DOCK1: variants seen among roughly 807,000 people sequenced by gnomAD.
The protein encoded by DOCK1 is dedicator of cytokinesis 1.
A neutral mutation model predicts 262.7 loss-of-function variants in DOCK1; 138 were observed. That is an observed-to-expected ratio of 0.53 (90% CI 0.46 to 0.61). The LOEUF (loss-of-function observed/expected upper bound fraction) is 0.61, where lower values mean the gene tolerates loss of function less well. Ranked by LOEUF, DOCK1 falls within the 20% of genes least tolerant of loss-of-function variation. The probability of loss-of-function intolerance (pLI) is 0.00; values close to 1 mark genes in which losing one functional copy is unlikely to be tolerated. For synonymous variants in DOCK1, 866 were observed against 867.4 expected (o/e 1.00, Z 0.03); for missense variants, 1,908 against 2,370.7 (o/e 0.80, Z 4.05).
chr10:126,931,064 A>G (rs1020287567), intron 1 of DOCK1, among the ~76,000 whole-genome samples: 2 of 151,890 alleles, frequency 1.3e-5, no homozygotes, highest in Non-Finnish European at 2.9e-5. Context: ...TGGAGTTGGG[A>G]ATTCTCTTGG....
intron 12 of DOCK1, among the ~76,000 whole-genome samples, chr10:127,016,982 C>G (rs900324325): frequency 1.3e-5 from 1 of 79,000 alleles, no homozygotes; most frequent in African/African-American, 4.3e-5. Context: ...TACACACGCA[C>G]ACACACACAG....
intron 27 of DOCK1, among the ~76,000 whole-genome samples, chr10:127,180,588 A>G (rs185147862): frequency 1.6e-3 from 238 of 152,358 alleles, no homozygotes; most frequent in Non-Finnish European, 1.8e-3. Flanking sequence ...CTGTAAATAC[A>G]TAAACCCTGC....
At chr10:126,931,132 C>T (rs971349540) in intron 1 of DOCK1, among the ~76,000 whole-genome samples, 2 of 151,986 alleles carry the variant, frequency 1.3e-5, no homozygotes, top group East Asian at 3.9e-4. Flanking sequence ...TGGAGTATCT[C>T]GGAAATAAGA....
chr10:127,395,431 G>A (rs1301073789), intron 38 of DOCK1, among the ~76,000 whole-genome samples: 1 of 152,108 alleles, frequency 6.6e-6, no homozygotes, highest in East Asian at 1.9e-4. Flanking sequence ...ACCTTCGAAG[G>A]CCTCATCTCC....
intron 29 of DOCK1, among the ~76,000 whole-genome samples, chr10:127,281,630 A>G (rs1324426492): frequency 2.0e-5 from 3 of 152,178 alleles, no homozygotes; most frequent in Non-Finnish European, 4.4e-5. Flanking sequence ...TCAGGACCCC[A>G]TGCCTCATTG....
intron 23 of DOCK1, among the ~76,000 whole-genome samples, chr10:127,067,988 G>A (rs962705409): frequency 3.3e-5 from 5 of 152,034 alleles, no homozygotes; most frequent in Admixed American, 2.6e-4. Flanking sequence ...ACTGTCCCCA[G>A]GGAGCAGGCT....
chr10:126,981,655 C>G (rs74863438), intron 3 of DOCK1, among the ~76,000 whole-genome samples: 1 of 152,302 alleles, frequency 6.6e-6, no homozygotes, highest in Non-Finnish European at 1.5e-5. Flanking sequence ...TATGGAGCAG[C>G]CTGCAAATTG....
chr10:127,441,063 GCAAGTCTTTCATA>G (rs889095086), intron 49 of DOCK1, among the ~76,000 whole-genome samples: 34 of 152,240 alleles, frequency 2.2e-4, no homozygotes, highest in African/African-American at 8.2e-4. Context: ...CAGACACTGT[GCAAGTCTTTCATA>G]CATTTTAATT....
intron 29 of DOCK1, among the ~76,000 whole-genome samples, chr10:127,265,402 G>A (rs2060318973): frequency 6.6e-6 from 1 of 151,792 alleles, no homozygotes; most frequent in African/African-American, 2.4e-5. Flanking sequence ...AAAAATCATG[G>A]CCATATGGAG....
chr10:126,929,651 G>T (rs1270449098), intron 1 of DOCK1, among the ~76,000 whole-genome samples: 1 of 152,126 alleles, frequency 6.6e-6, no homozygotes, highest in African/African-American at 2.4e-5. Context: ...GTGAGGGCCA[G>T]GAGTGCTCAG....
intron 29 of DOCK1, among the ~76,000 whole-genome samples, chr10:127,279,860 A>T (rs1221270028): frequency 6.6e-6 from 1 of 151,968 alleles, no homozygotes; most frequent in African/African-American, 2.4e-5. Flanking sequence ...TTATTCCATC[A>T]TCTCTCATTC....
intron 27 of DOCK1, among the ~76,000 whole-genome samples, chr10:127,202,323 CAAA>C (rs201719816): frequency 1.6e-5 from 2 of 125,580 alleles, no homozygotes. Context: ...ACTCTGTCTC[CAAA>C]AAAAAAAAAA....
At chr10:126,992,742 AC>A (rs2039882942) in intron 6 of DOCK1, among the ~76,000 whole-genome samples, 1 of 130,438 alleles carries the variant, frequency 7.7e-6, no homozygotes, top group Non-Finnish European at 1.6e-5. Flanking sequence ...ACACAGACAC[AC>A]ACACACACAC....
At chr10:127,030,580 T>G (rs989823444) in intron 16 of DOCK1, among the ~76,000 whole-genome samples, 7 of 152,210 alleles carry the variant, frequency 4.6e-5, no homozygotes, top group African/African-American at 1.7e-4. Context: ...AACCACAATG[T>G]TTTGTTTTCT....
At chr10:127,043,687 A>G (rs1362048031) in intron 21 of DOCK1, among the ~76,000 whole-genome samples, 3 of 152,328 alleles carry the variant, frequency 2.0e-5, no homozygotes, top group South Asian at 2.1e-4. Context: ...CCAGAGGTCT[A>G]GGAAGACACC....
chr10:127,137,220 T>C (rs2133220983), intron 27 of DOCK1: 2 of 152,758 alleles, frequency 1.3e-5, no homozygotes, highest in South Asian at 4.1e-4. Flanking sequence ...TGAGGTGTCG[T>C]TGTGACACTG....
At chr10:126,950,012 G>T (rs2036059806) in intron 1 of DOCK1, among the ~76,000 whole-genome samples, 1 of 152,002 alleles carries the variant, frequency 6.6e-6, no homozygotes, top group Non-Finnish European at 1.5e-5. Context: ...CCACCTTCTA[G>T]ACCTGCGTCT....
At chr10:127,434,866 A>T (rs1252324727) in intron 48 of DOCK1, among the ~76,000 whole-genome samples, 1 of 152,020 alleles carries the variant, frequency 6.6e-6, no homozygotes, top group Non-Finnish European at 1.5e-5. Flanking sequence ...ATTAGCCAGG[A>T]TGGTCTCGAT....
Position 127,419,711 on chromosome 10 carries a change from G to T in DOCK1, c.4738G>T (p.Glu1580Ter). 6.2e-7 allele frequency: 1 copy of T among 1,605,158 alleles called. No homozygotes were observed. Among genetic ancestry groups the T allele is most frequent in the Non-Finnish European group, 8.5e-7 (1 of 1,175,658 alleles). Residue 1580 changes from glutamate (E) to a stop codon, truncating the protein, a stop_gained, in exon 46 of 52, where the codon GAA becomes TAA. Transcript: ENST00000623213. LOFTEE classifies it high-confidence loss of function. ...RYLQEHPEAH[E>*]KIEKLKDLIA... is the part of the protein sequence containing the mutation. ...CCTGCAGGAGCACCCTGAGGCCCAT[G>T]AAAAGATCGAGAAGCTCAAGGACCT...
Sources: allele counts gnomAD v4.1 joint callset (sites outside exome capture counted in the v4.1 genomes callset), GRCh38; gene constraint gnomAD v4.1.1; transcripts MANE v1.5; gene names NCBI Gene and HGNC (gene_info 2026-07-23, HGNC 2026-07-21).